SDK2: variants seen among roughly 807,000 people sequenced by gnomAD.
SDK2 encodes sidekick cell adhesion molecule 2, also known as protein sidekick-2.
Under a neutral mutation model 253.9 loss-of-function variants are expected in SDK2, and 105 were observed. The observed-to-expected ratio is 0.41, with a 90% CI of 0.35 to 0.49. The LOEUF (loss-of-function observed/expected upper bound fraction) is 0.49, where lower values mean the gene tolerates loss of function less well. Ranked by LOEUF, SDK2 falls within the 20% of genes least tolerant of loss-of-function variation. The pLI is 0.06. For missense variants in SDK2, 2,608 were observed against 3,003.0 expected (o/e 0.87, Z 3.07); for synonymous variants, 1,249 against 1,234.9 (o/e 1.01, Z -0.24).
intron 1 of SDK2, among the ~76,000 whole-genome samples, chr17:73,610,685 A>G (rs1026859499): frequency 2.7e-5 from 4 of 150,054 alleles, no homozygotes; most frequent in African/African-American, 1.0e-4. Flanking sequence ...TCTGTGTGTA[A>G]GGCATGTGTG....
Position 73,398,194 on chromosome 17 carries a change from G to T in SDK2, c.3204-9C>A, listed in dbSNP as rs774871709. On this transcript the variant is annotated splice_polypyrimidine_tract_variant and intron_variant, in intron 23 of 44. Transcript: ENST00000392650. ...CCTGGCGCATGCGGAAGCTGGGGTT[G>T]GGGAGAGATGAGCAAGATGGTAAGG... is the stretch of plus-strand genomic sequence containing the variant. The T allele has an allele frequency of 3.1e-6, 5 of 1,609,402 alleles. No individual in the cohort carries two copies. Among genetic ancestry groups the T allele is most frequent in the Non-Finnish European group, 4.2e-6 (5 of 1,177,470 alleles).
At chr17:73,558,057 T>C (rs1487967047) in intron 1 of SDK2, among the ~76,000 whole-genome samples, 3 of 152,180 alleles carry the variant, frequency 2.0e-5, no homozygotes, top group Admixed American at 6.5e-5. Flanking sequence ...TCCTGCCCCA[T>C]CCCCAACACC....
In SDK2 at chr17:73,424,103, G is replaced by A. The variant is rs1568397444; in HGVS notation, c.1584-11C>T. On this transcript the variant is annotated splice_polypyrimidine_tract_variant and intron_variant, in intron 12 of 44. Transcript: ENST00000392650. ...TTCTCCCAGATGTACCTAAAAGTAA[G>A]AAGAACCCGTAAGTACAGAGGGAGA... is the stretch of plus-strand genomic sequence containing the variant. 6.2e-7 allele frequency: 1 copy of A among 1,607,908 alleles called. No homozygotes were observed. Among genetic ancestry groups the A allele is most frequent in the Non-Finnish European group, 8.5e-7 (1 of 1,178,134 alleles).
chr17:73,537,515 T>G (rs2044796306), intron 1 of SDK2, among the ~76,000 whole-genome samples: 1 of 151,706 alleles, frequency 6.6e-6, no homozygotes, highest in Non-Finnish European at 1.5e-5. Flanking sequence ...GAGCTGCTGA[T>G]GGAGAGGCAG....
At chr17:73,432,722 C>T (rs2145611851) in intron 10 of SDK2, among the ~76,000 whole-genome samples, 1 of 150,032 alleles carries the variant, frequency 6.7e-6, no homozygotes, top group East Asian at 1.9e-4. Context: ...GAGGAGGCAC[C>T]TCTGAGCTGG....
Position 73,383,136 on chromosome 17 carries a change from A to G in SDK2, c.4705+740T>C, listed in dbSNP as rs1297175517. On this transcript the variant is annotated intron_variant, in intron 33 of 44. Transcript: ENST00000392650. The surrounding 1 kb of genome is among the most constrained non-coding windows in gnomAD (Gnocchi z 4.3). ...ACCCCGAGTCTGTGCCTCGGTTCCA[A>G]CCTCCTGCTCTCTTGCCACGTGACT... 6.6e-6 allele frequency among the ~76,000 whole-genome samples: 1 copy of G among 151,834 alleles called. No individual in the cohort carries two copies. Among genetic ancestry groups the G allele is most frequent in the Non-Finnish European group, 1.5e-5 (1 of 67,948 alleles).
chr17:73,482,779 G>C (rs117343229), intron 2 of SDK2, among the ~76,000 whole-genome samples: 154 of 152,368 alleles, frequency 1.0e-3, no homozygotes, highest in Non-Finnish European at 1.8e-3. Flanking sequence ...GCAGGACAGG[G>C]CTGGGAGCCC....
At chr17:73,542,274 T>C (rs2044880990) in intron 1 of SDK2, among the ~76,000 whole-genome samples, 1 of 152,034 alleles carries the variant, frequency 6.6e-6, no homozygotes, top group African/African-American at 2.4e-5. Context: ...AAAACTGAGG[T>C]TGTGACTTGC....
intron 24 of SDK2, 51 bp downstream of exon 24, chr17:73,397,984 T>A (rs374187616): frequency 6.3e-7 from 1 of 1,593,394 alleles, no homozygotes; most frequent in Non-Finnish European, 8.5e-7. Flanking sequence ...TAGGAGGCAA[T>A]GACCAGAAGC....
chr17:73,604,296 A>T (rs1396355934), intron 1 of SDK2, among the ~76,000 whole-genome samples: 1 of 152,202 alleles, frequency 6.6e-6, no homozygotes, highest in African/African-American at 2.4e-5. Context: ...TCAGAGAGGA[A>T]CGCCCAGTCA....
intron 2 of SDK2, among the ~76,000 whole-genome samples, chr17:73,483,663 A>ATATATATATATATATATT (rs2063747642): frequency 2.2e-5 from 1 of 44,788 alleles, no homozygotes; most frequent in Non-Finnish European, 4.1e-5. Context: ...GTGTGTGTGT[A>ATATATATATATATATATT]TATATATATA....
chr17:73,557,947 C>T (rs1033089360), intron 1 of SDK2, among the ~76,000 whole-genome samples: 4 of 152,212 alleles, frequency 2.6e-5, no homozygotes, highest in African/African-American at 9.6e-5. Flanking sequence ...CCTGGATTCA[C>T]TCATCCTCTC....
intron 18 of SDK2, among the ~76,000 whole-genome samples, chr17:73,405,915 G>A (rs1010089560): frequency 2.0e-5 from 3 of 151,790 alleles, no homozygotes; most frequent in Admixed American, 2.0e-4. Flanking sequence ...AGTAGAAACG[G>A]GGTTTCACTG....
Position 73,401,758 on chromosome 17 carries a change from C to T in SDK2, c.2681-6G>A, listed in dbSNP as rs897046352. ...GTGTCCCACGGGCCCAGGCACTGCA[C>T]CCCAAAAGGAACCCCCACCCCCCAA... On this transcript the variant is annotated splice_region_variant and splice_polypyrimidine_tract_variant and intron_variant, in intron 19 of 44. Transcript: ENST00000392650. 1 of 1,568,098 alleles carries T rather than the reference C, an allele frequency of 6.4e-7. No homozygotes were observed. Among genetic ancestry groups the T allele is most frequent in the East Asian group, 2.3e-5 (1 of 42,844 alleles).
chr17:73,446,428 C>G (rs187284652), intron 5 of SDK2, among the ~76,000 whole-genome samples: 3 of 152,258 alleles, frequency 2.0e-5, no homozygotes, highest in Admixed American at 2.0e-4. Flanking sequence ...AACTCTCCTC[C>G]CCGCATTCAG....
At chr17:73,472,065 T>G (rs1284652066) in intron 3 of SDK2, 47 bp downstream of exon 3, 6 of 1,386,612 alleles carry the variant, frequency 4.3e-6, no homozygotes, top group Non-Finnish European at 6.0e-6. Context: ...GGTGCCACTC[T>G]GGCACCACAG....
In SDK2 at chr17:73,534,077, C is replaced by T. The variant is rs1316451972; in HGVS notation, c.65-26480G>A. ...CCTCCTCCTCCTCCTTCCCCGCCTC[C>T]TCCCCTCCTCTTCCTCCTCCTCCTT... On this transcript the variant is annotated intron_variant, in intron 1 of 44. Transcript: ENST00000392650. This position sits in a 1 kb window ranked among gnomAD's most constrained non-coding sequence, Gnocchi z 4.9. Among the ~76,000 whole-genome samples the T allele has an allele frequency of 8.5e-5, 13 of 152,236 alleles. No homozygotes were observed. Among genetic ancestry groups the T allele is most frequent in the Non-Finnish European group, 7.4e-5 (5 of 68,010 alleles).
chr17:73,379,318 G>A lies in SDK2; in HGVS notation c.4865-26C>T. 6.6e-7 allele frequency: 1 copy of A among 1,508,334 alleles called. No individual in the cohort carries two copies. The highest frequency in any genetic ancestry group is 1.2e-5 in the South Asian group (1 of 83,240). The allele number at this position is 1,508,334 out of a possible 1,614,324, so 93.4% of individuals were successfully genotyped here. On this transcript the variant is annotated intron_variant, in intron 35 of 44. Transcript: ENST00000392650. The surrounding 1 kb of genome is among the most constrained non-coding windows in gnomAD (Gnocchi z 4.5). ...CTGGAGGGCGTGCAGGGTAGGCAGT[G>A]AGCATGCGAGTAAACCTGGGAGGGG...
chr17:73,461,048 C>T (rs2063559378), intron 3 of SDK2, among the ~76,000 whole-genome samples: 1 of 152,198 alleles, frequency 6.6e-6, no homozygotes, highest in South Asian at 2.1e-4. Context: ...CCTGGCCCTC[C>T]CCATGCCATC....
Sources: gnomAD v4.1 joint callset for allele counts (sites outside exome capture counted in the v4.1 genomes callset) on GRCh38, gnomAD v4.1.1 for gene constraint, Gnocchi (gnomAD v3.1) non-coding constraint, MANE v1.5 for transcripts, NCBI Gene and HGNC (gene_info 2026-07-23, HGNC 2026-07-21) for gene names.